Variants in SAMD9 observed in about 807,000 individuals in gnomAD.
SAMD9 encodes the protein sterile alpha motif domain containing 9.
In SAMD9, 3 loss-of-function variants were observed where a neutral mutation model predicts 1.5. The observed-to-expected ratio is 2.05, with a 90% CI of 0.93 to 5.29. The LOEUF (loss-of-function observed/expected upper bound fraction) is 5.29. Ranked by LOEUF, SAMD9 falls within the 30% of genes most tolerant of loss-of-function variation. The pLI is 0.02. For missense variants in SAMD9, 1,597 were observed against 1,820.8 expected (o/e 0.88, Z 2.24); for synonymous variants, 635 against 631.9 (o/e 1.00, Z -0.07).
Position 93,099,669 on chromosome 7 carries a change from T to C in SAMD9, c.*1659A>G, listed in dbSNP as rs1319762361. 6.6e-6 allele frequency: 1 copy of C among 152,220 alleles called. No homozygotes were observed. Among genetic ancestry groups the C allele is most frequent in the Non-Finnish European group, 1.5e-5 (1 of 68,042 alleles). 9.4% of individuals were successfully genotyped at this position (152,220 alleles called of 1,614,324 possible). The stretch of plus-strand genomic sequence containing the variant: ...TTGAAGACAGAAACAAATCACATTT[T>C]TTTTGTTTTTGTTTTCTAAATGTTT... On this transcript the variant is annotated 3_prime_UTR_variant, in exon 3 of 3. Transcript: ENST00000379958.
intron 2 of SAMD9, among the ~76,000 whole-genome samples, chr7:93,108,658 G>A (rs955693339): frequency 6.6e-6 from 1 of 152,210 alleles, no homozygotes; most frequent in Non-Finnish European, 1.5e-5. Context: ...ATTATATTCT[G>A]CGCCTGGCTC....
Position 93,104,940 on chromosome 7 carries a change from T to C in SAMD9, c.1158A>G (p.Lys386=), listed in dbSNP as rs1202146330. ...AEEKFRAKTN[K]KEREGPKLVK... ...CCAACTTTGGTCCCTCTCTTTCTTT[T>C]TTATTTGTTTTTGCTCTGAATTTTT... is the stretch of plus-strand genomic sequence containing the variant. Residue 386 remains lysine (K), a synonymous_variant, in exon 3 of 3, where the codon AAA becomes AAG. Coordinates refer to ENST00000379958, the MANE Select transcript of SAMD9 (RefSeq NM_017654.4). 12 of 1,610,672 alleles carry C rather than the reference T, an allele frequency of 7.5e-6. No homozygotes were observed. Among genetic ancestry groups the C allele is most frequent in the African/African-American group, 2.7e-5 (2 of 74,686 alleles).
chr7:93,115,285 T>C (rs916075534), intron 1 of SAMD9, among the ~76,000 whole-genome samples: 1 of 152,246 alleles, frequency 6.6e-6, no homozygotes, highest in Non-Finnish European at 1.5e-5. Flanking sequence ...TCTGTGGGAA[T>C]GTACATTGTT....
chr7:93,108,702 G>A (rs1211536587), intron 2 of SAMD9, among the ~76,000 whole-genome samples: 6 of 152,186 alleles, frequency 3.9e-5, no homozygotes, highest in African/African-American at 1.2e-4. Context: ...CTCACTCACT[G>A]CTAGCACAGC....
chr7:93,106,218 G>T, intron 2 of SAMD9, 113 bp from the exon 3 acceptor site: 1 of 601,822 alleles, frequency 1.7e-6, no homozygotes, highest in Non-Finnish European at 2.6e-6. Context: ...AAAAGGATAT[G>T]CCAATGAATT....
chr7:93,105,554 G>A lies in SAMD9; in HGVS notation c.544C>T (p.Gln182Ter), dbSNP rs919537887. The A allele has an allele frequency of 7.4e-6, 12 of 1,613,980 alleles. No homozygotes were observed. The African/African-American group carries it at 1.6e-4, about 22-fold the overall frequency. ...PYRYKLDFSL[Q>*]PETGPGNLID... ...AGATTGCCTGGTCCTGTTTCAGGCT[G>A]TAGACTAAAATCCAACTTGTAACGA... Residue 182 changes from glutamine (Q) to a stop codon, truncating the protein, a stop_gained, in exon 3 of 3, where the codon CAG becomes TAG. Coordinates refer to ENST00000379958, the MANE Select transcript of SAMD9 (RefSeq NM_017654.4). LOFTEE classifies it low-confidence loss of function (END_TRUNC).
chr7:93,102,226 T>A lies in SAMD9; in HGVS notation c.3872A>T (p.Lys1291Ile). The A allele has an allele frequency of 6.2e-7, 1 of 1,613,830 alleles. No individual in the cohort carries two copies. Among genetic ancestry groups the A allele is most frequent in the Non-Finnish European group, 8.5e-7 (1 of 1,179,762 alleles). Reference sequence around the variant, plus strand: ...ATATCCAGCCACCTTTCTCCGAGTTTTGGCCTCTTCATTTTGCTTAATATT... The same window carrying A: ...ATATCCAGCCACCTTTCTCCGAGTTATGGCCTCTTCATTTTGCTTAATATT... ...RNNIKQNEEA[K>I]TRRKVAGYFK... The change falls in exon 3 of 3, where the codon AAA becomes ATA. Residue 1291 changes from lysine (K) to isoleucine (I), a missense_variant. Coordinates refer to ENST00000379958, the MANE Select transcript of SAMD9 (RefSeq NM_017654.4).
At chr7:93,108,928 G>A (rs1791693346) in intron 2 of SAMD9, among the ~76,000 whole-genome samples, 1 of 152,202 alleles carries the variant, frequency 6.6e-6, no homozygotes, top group African/African-American at 2.4e-5. Flanking sequence ...AAACATCCCT[G>A]TCTGACAGCT....
rs1584254756 is a variant in SAMD9 at position 93,105,293 on chromosome 7, T to C, written c.805A>G (p.Asn269Asp). 2 of 1,613,990 alleles carry C rather than the reference T, an allele frequency of 1.2e-6. No individual in the cohort carries two copies. The highest frequency in any genetic ancestry group is 1.3e-5 in the African/African-American group (1 of 75,012). The change falls in exon 3 of 3, where the codon AAC becomes GAC. Residue 269 changes from asparagine (N) to aspartate (D), a missense_variant. Asn to Asp is a conservative substitution (Grantham distance 23). This residue lies in a region of SAMD9 where 498 missense variants were observed against 457.4 expected (regional missense o/e 1.09). Coordinates refer to ENST00000379958, the MANE Select transcript of SAMD9 (RefSeq NM_017654.4). ...ACTTGATGGTCTTCAAAATACTTGT[T>C]TATCATCAGATTGAAATGGTTAATG... ...ALINHFNLMI[N>D]KYFEDHQVQQ...
In SAMD9 at chr7:93,099,696, A is replaced by G. The variant is rs1791495553; in HGVS notation, c.*1632T>C. On this transcript the variant is annotated 3_prime_UTR_variant, in exon 3 of 3. Coordinates refer to ENST00000379958, the MANE Select transcript of SAMD9 (RefSeq NM_017654.4). The stretch of plus-strand genomic sequence containing the variant: ...TTTGTTTTTGTTTTCTAAATGTTTT[A>G]CAAGAGAAAATTTCAAAAGCATAAT... 1.3e-5 allele frequency: 2 copies of G among 152,164 alleles called. No homozygotes were observed. The highest frequency in any genetic ancestry group is 6.5e-5 in the Admixed American group (1 of 15,272). The allele number at this position is 152,164 out of a possible 1,614,324, so 9.4% of individuals were successfully genotyped here. A position where few individuals can be genotyped will look rare whatever the true frequency, so the allele number is the denominator to read the frequency against.
chr7:93,109,709 G>T (rs1007447893), intron 2 of SAMD9, among the ~76,000 whole-genome samples: 3 of 152,190 alleles, frequency 2.0e-5, no homozygotes, highest in Non-Finnish European at 2.9e-5. Context: ...GGGTATCAGT[G>T]ATTGATGATC....
At chr7:93,108,337 T>A (rs939995609) in intron 2 of SAMD9, among the ~76,000 whole-genome samples, 1 of 152,000 alleles carries the variant, frequency 6.6e-6, no homozygotes, top group Non-Finnish European at 1.5e-5. Context: ...CAGGGCCGGG[T>A]TCCAAGATGG....
chr7:93,105,188 CA>C lies in SAMD9; in HGVS notation c.909del (p.Phe303LeufsTer96). 1 of 1,613,840 alleles carries C rather than the reference CA, an allele frequency of 6.2e-7. No homozygotes were observed. Among genetic ancestry groups the C allele is most frequent in the Non-Finnish European group, 8.5e-7 (1 of 1,179,952 alleles). ...LLPNSTLSDRFVIEVDIIPQF... is the reference protein window; with the variant it reads ...LLPNSTLSDRXVIEVDIIPQF... ...TGTGGAATAATGTCCACTTCAATAA[CA>C]AATCTGTCAGATAGAGTACTATTTG... On this transcript the variant is annotated frameshift_variant, in exon 3 of 3. Transcript: ENST00000379958. LOFTEE classifies it low-confidence loss of function (END_TRUNC).
rs1387089801 is a variant in SAMD9, at chr7:93,104,459, A to G, written c.1639T>C (p.Ser547Pro). The G allele has an allele frequency of 6.2e-7, 1 of 1,614,016 alleles. No homozygotes were observed. Among genetic ancestry groups the G allele is most frequent in the Admixed American group, 1.7e-5 (1 of 60,022 alleles). The change falls in exon 3 of 3, where the codon TCC becomes CCC. Residue 547 changes from serine (S) to proline (P), a missense_variant. By Grantham distance (74) the Ser-to-Pro change is moderately conservative. Coordinates refer to ENST00000379958, the MANE Select transcript of SAMD9 (RefSeq NM_017654.4). The part of the protein sequence containing the change: ...GKFLVVFLLL[S>P]SVDDPRDPLI... ...GGATCTCTTGGGTCATCCACAGAGG[A>G]CAGTAATAGAAATACCACCAAAAAC...
rs1188289738 is a variant in SAMD9, at chr7:93,101,382, A to T, written c.4716T>A (p.Phe1572Leu). The change falls in exon 3 of 3, where the codon TTT becomes TTA. Residue 1572 changes from phenylalanine (F) to leucine (L), a missense_variant. Phe to Leu is a conservative substitution (Grantham distance 22). Transcript: ENST00000379958. ...GGCCTCCAATGGAAAATCCCAGGTA[A>T]AAAGACACCTTCTCTATGCTTCTGC... ...RSGRSIEKVSFYLGFSIGGPL... is the reference protein window; with the variant it reads ...RSGRSIEKVSLYLGFSIGGPL... The T allele has an allele frequency of 1.2e-6, 2 of 1,613,574 alleles. No homozygotes were observed. The highest frequency in any genetic ancestry group is 1.7e-6 in the Non-Finnish European group (2 of 1,179,760).
intron 2 of SAMD9, among the ~76,000 whole-genome samples, chr7:93,110,687 CA>C (rs200799560): frequency 0.1 from 15,168 of 152,110 alleles, 841 homozygotes; most frequent in Middle Eastern, 0.16. Context: ...TTTAAACCAA[CA>C]AGGATCAAAA....
chr7:93,111,024 C>T (rs886117830), intron 2 of SAMD9, among the ~76,000 whole-genome samples: 1 of 152,212 alleles, frequency 6.6e-6, no homozygotes, highest in Non-Finnish European at 1.5e-5. Context: ...CACCACATCG[C>T]ACTTATTTCA....
Position 93,105,431 on chromosome 7 carries a change from C to A in SAMD9, c.667G>T (p.Ala223Ser), listed in dbSNP as rs1373963945. 17 of 1,613,906 alleles carry A rather than the reference C, an allele frequency of 1.1e-5. No individual in the cohort carries two copies. Among genetic ancestry groups the A allele is most frequent in the South Asian group, 2.2e-5 (2 of 91,076 alleles). ...MKFSNEVFRF[A>S]SACMNSRTNG... ...GTACGTGAATTCATACAAGCTGAAGCAAATCGGAAAACCTCATTGCTAAAT... is the reference window on the plus strand; with the variant it reads ...GTACGTGAATTCATACAAGCTGAAGAAAATCGGAAAACCTCATTGCTAAAT... Residue 223 changes from alanine to serine, a missense_variant, in exon 3 of 3, where the codon GCT becomes TCT. By Grantham distance (99) the Ala-to-Ser change is moderately conservative. Transcript: ENST00000379958.
chr7:93,101,177 A>G lies in SAMD9; in HGVS notation c.*151T>C, dbSNP rs1214493687. 2 of 703,786 alleles carry G rather than the reference A, an allele frequency of 2.8e-6. No homozygotes were observed. The highest frequency in any genetic ancestry group is 5.0e-6 in the Non-Finnish European group (2 of 398,576). The allele number at this position is 703,786 out of a possible 1,614,324, so 43.6% of individuals were successfully genotyped here. ...CACTATTGTCTTTGTAGAACTCATA[A>G]CATGTTTAAGAGGAAATTAAATACT... is the stretch of plus-strand genomic sequence containing the variant. On this transcript the variant is annotated 3_prime_UTR_variant, in exon 3 of 3. Transcript: ENST00000379958.
Sources: gnomAD v4.1 joint callset for allele counts (sites outside exome capture counted in the v4.1 genomes callset) on GRCh38, gnomAD v4.1.1 for gene constraint, gnomAD v4.1.1 regional missense constraint, MANE v1.5 for transcripts, NCBI Gene and HGNC (gene_info 2026-07-23, HGNC 2026-07-21) for gene names.